DNAH9: variants seen among roughly 807,000 people sequenced by gnomAD.
DNAH9 encodes dynein axonemal heavy chain 9.
A neutral mutation model predicts 471.6 loss-of-function variants in DNAH9; 345 were observed. The ratio of observed to expected loss-of-function variants is 0.73; its 90% confidence interval spans 0.67 to 0.80. The LOEUF (loss-of-function observed/expected upper bound fraction) is 0.80, where lower values mean the gene tolerates loss of function less well. Ranked by LOEUF, DNAH9 falls within the 30% of genes least tolerant of loss-of-function variation. The pLI, the probability that DNAH9 is intolerant of heterozygous loss-of-function variation, is 0.00. For missense variants in DNAH9, 5,407 were observed against 5,609.2 expected (o/e 0.96, Z 1.15); for synonymous variants, 2,093 against 2,123.6 (o/e 0.99, Z 0.40).
chr17:11,821,805 G>T, intron 45 of DNAH9, 115 bp from the exon 46 acceptor site: 1 of 1,157,578 alleles, frequency 8.6e-7, no homozygotes, highest in Non-Finnish European at 1.2e-6. Context: ...CAAGAGAGTT[G>T]GTACATGGCC....
chr17:11,856,615 A>G (rs1056655681), intron 50 of DNAH9, among the ~76,000 whole-genome samples: 17 of 151,762 alleles, frequency 1.1e-4, no homozygotes, highest in Admixed American at 3.3e-4. Flanking sequence ...CTGAGGCAGG[A>G]GAATGAAGTG....
chr17:11,879,999 C>T, intron 53 of DNAH9, 79 bp from the exon 54 acceptor site: 2 of 1,544,638 alleles, frequency 1.3e-6, no homozygotes, highest in Non-Finnish European at 1.8e-6. Flanking sequence ...TCTTAGAGGT[C>T]ACGCTTGTCT....
intron 19 of DNAH9, among the ~76,000 whole-genome samples, chr17:11,688,154 G>A (rs2150750487): frequency 6.6e-6 from 1 of 151,412 alleles, no homozygotes; most frequent in African/African-American, 2.4e-5. Flanking sequence ...TTATGTTGGG[G>A]AAAACACTAT....
At chr17:11,851,051 G>A (rs1295236757) in intron 49 of DNAH9, among the ~76,000 whole-genome samples, 1 of 152,116 alleles carries the variant, frequency 6.6e-6, no homozygotes, top group African/African-American at 2.4e-5. Flanking sequence ...GGAGGTTGGT[G>A]GGTAGAGTCT....
At chr17:11,793,468 T>C in intron 41 of DNAH9, 35 bp from the exon 42 acceptor site, 1 of 1,594,310 alleles carries the variant, frequency 6.3e-7, no homozygotes, top group Non-Finnish European at 8.5e-7. Flanking sequence ...TGGATGGTTA[T>C]TAACGTTATT....
In DNAH9 at chr17:11,698,164, T is replaced by A. The variant is rs1247426170; in HGVS notation, c.4873-1567T>A. Among the ~76,000 whole-genome samples, 6 of 79,718 alleles carry A rather than the reference T, an allele frequency of 7.5e-5. No individual in the cohort carries two copies. The East Asian group carries it at 9.9e-4, about 13-fold the overall frequency. 52.3% of individuals were successfully genotyped at this position (79,718 alleles called of 152,430 possible). On this transcript the variant is annotated intron_variant, in intron 22 of 68. Transcript: ENST00000262442. Reference sequence around the variant, plus strand: ...TATTAGTATTATATTATTAATATATTATTATATTAATATATTATTATATTA... The same window carrying A: ...TATTAGTATTATATTATTAATATATAATTATATTAATATATTATTATATTA...
At chr17:11,642,417 C>CG (rs927559935) in intron 10 of DNAH9, among the ~76,000 whole-genome samples, 6 of 141,924 alleles carry the variant, frequency 4.2e-5, no homozygotes, top group African/African-American at 7.7e-5. Flanking sequence ...GGGCAGGGGG[C>CG]GGGGGGCGCC....
chr17:11,708,910 GCA>G (rs2074780716), intron 26 of DNAH9, among the ~76,000 whole-genome samples: 1 of 151,982 alleles, frequency 6.6e-6, no homozygotes, highest in South Asian at 2.1e-4. Flanking sequence ...CACACAATGG[GCA>G]CTCAAGAAAT....
chr17:11,665,075 C>A (rs761820624), intron 15 of DNAH9, 107 bp downstream of exon 15: 22 of 942,344 alleles, frequency 2.3e-5, no homozygotes, highest in Non-Finnish European at 3.6e-5. Flanking sequence ...TTTCCCAAAA[C>A]GTTGTAGACC....
At chr17:11,864,647 GT>G (rs1188774117) in intron 50 of DNAH9, among the ~76,000 whole-genome samples, 1 of 152,018 alleles carries the variant, frequency 6.6e-6, no homozygotes, top group African/African-American at 2.4e-5. Flanking sequence ...TTATTAATGT[GT>G]GGGAGTCTAA....
At chr17:11,956,790 G>C (rs1415145649) in intron 67 of DNAH9, among the ~76,000 whole-genome samples, 1 of 151,466 alleles carries the variant, frequency 6.6e-6, no homozygotes, top group Non-Finnish European at 1.5e-5. Context: ...GAACTTAGAG[G>C]GAAATGTATA....
chr17:11,704,286 C>T lies in DNAH9; in HGVS notation c.5235C>T (p.Ala1745=). The change falls in exon 25 of 69, where the codon GCC becomes GCT. Residue 1745 remains alanine, a synonymous_variant. Transcript: ENST00000262442. ...FARLEEGYES[A]MKDYYKKQVA... ...GGCTGGAGGAAGGCTATGAGAGTGCCATGAAGGACTATTATAAGAAGCAAG... is the reference window on the plus strand; with the variant it reads ...GGCTGGAGGAAGGCTATGAGAGTGCTATGAAGGACTATTATAAGAAGCAAG... 8 of 1,614,138 alleles carry T rather than the reference C, an allele frequency of 5.0e-6. No homozygotes were observed. The highest frequency in any genetic ancestry group is 6.8e-6 in the Non-Finnish European group (8 of 1,180,014).
intron 26 of DNAH9, among the ~76,000 whole-genome samples, chr17:11,716,428 A>G (rs973632032): frequency 6.6e-6 from 1 of 151,342 alleles, no homozygotes. Context: ...GGAAAGCCCC[A>G]CTGACCCTGC....
chr17:11,928,331 G>A (rs993200343), intron 62 of DNAH9, among the ~76,000 whole-genome samples: 20 of 152,216 alleles, frequency 1.3e-4, no homozygotes, highest in African/African-American at 4.8e-4. Context: ...AATAAGTATA[G>A]CAAACGTTAT....
At chr17:11,825,066 G>C (rs1970442976) in intron 48 of DNAH9, among the ~76,000 whole-genome samples, 1 of 151,848 alleles carries the variant, frequency 6.6e-6, no homozygotes, top group Non-Finnish European at 1.5e-5. Context: ...CAAATTATCT[G>C]TGATACCCCT....
chr17:11,834,584 C>A, intron 48 of DNAH9, 54 bp from the exon 49 acceptor site: 1 of 1,601,738 alleles, frequency 6.2e-7, no homozygotes. Flanking sequence ...TAGTCCAGTG[C>A]CCACAGTCCC....
chr17:11,871,927 G>C (rs572927408), intron 52 of DNAH9, 141 bp downstream of exon 52: 10 of 895,198 alleles, frequency 1.1e-5, no homozygotes, highest in Non-Finnish European at 1.5e-5. Context: ...TGAAACCTGC[G>C]TACCCGTGTC....
Position 11,784,416 on chromosome 17 carries a change from A to G in DNAH9, c.7938A>G (p.Lys2646=). The change falls in exon 41 of 69, where the codon AAA becomes AAG. Residue 2646 remains lysine (K), a synonymous_variant. Transcript: ENST00000262442. ...GAAACTTCCCGGCGTCCCTGCAGAAATCCATCCCCCCACTGATCGATCTGG... is the reference window on the plus strand; with the variant it reads ...GAAACTTCCCGGCGTCCCTGCAGAAGTCCATCCCCCCACTGATCGATCTGG... The part of the protein sequence containing the change: ...KLGNFPASLQ[K]SIPPLIDLAL... 6.2e-7 allele frequency: 1 copy of G among 1,614,146 alleles called. No homozygotes were observed. Among genetic ancestry groups the G allele is most frequent in the Non-Finnish European group, 8.5e-7 (1 of 1,180,026 alleles).
intron 12 of DNAH9, among the ~76,000 whole-genome samples, chr17:11,649,115 G>A (rs187845257): frequency 2.0e-4 from 28 of 136,906 alleles, no homozygotes; most frequent in Admixed American, 1.3e-3. Context: ...CAACAAGAGC[G>A]AAACTCCATC....
Sources: gnomAD v4.1 joint callset for allele counts (sites outside exome capture counted in the v4.1 genomes callset) on GRCh38, gnomAD v4.1.1 for gene constraint, MANE v1.5 for transcripts, NCBI Gene and HGNC (gene_info 2026-07-23, HGNC 2026-07-21) for gene names.